Variants in ANKS1B observed in about 807,000 individuals in gnomAD.
The protein encoded by ANKS1B is ankyrin repeat and sterile alpha motif domain-containing protein 1B.
In ANKS1B, 36 loss-of-function variants were observed where a neutral mutation model predicts 148.3. The ratio of observed to expected loss-of-function variants is 0.24; its 90% CI spans 0.19 to 0.32. The LOEUF is 0.32. ANKS1B is among the 10% of genes least tolerant of loss of function. The pLI is 1.00. For synonymous variants in ANKS1B, 542 were observed against 560.8 expected (o/e 0.97, Z 0.47); for missense variants, 1,157 against 1,542.6 (o/e 0.75, Z 4.19).
intron 22 of ANKS1B, among the ~76,000 whole-genome samples, chr12:98,788,262 C>CAAA (rs545240585): frequency 1.7e-5 from 2 of 115,414 alleles, no homozygotes; most frequent in Non-Finnish European, 3.6e-5. Flanking sequence ...AGAAAACAGA[C>CAAA]AAAAAAAAAA....
intron 8 of ANKS1B, among the ~76,000 whole-genome samples, chr12:99,713,148 C>A (rs2056858948): frequency 6.6e-6 from 1 of 152,094 alleles, no homozygotes; most frequent in Non-Finnish European, 1.5e-5. Flanking sequence ...CAGGATAATC[C>A]CATTTTTATT....
intron 12 of ANKS1B, among the ~76,000 whole-genome samples, chr12:99,368,756 C>T (rs2092926147): frequency 6.6e-6 from 1 of 152,038 alleles, no homozygotes; most frequent in African/African-American, 2.4e-5. Context: ...GATAGAGAGA[C>T]ACACGACTAT....
At position 99,304,790 on chromosome 12, in the gene ANKS1B, T is replaced by C. The variant is rs144150165; in HGVS notation, c.1757-57926A>G. 2.1e-3 allele frequency among the ~76,000 whole-genome samples: 322 copies of C among 152,202 alleles called. 6 individuals carry two copies. In the South Asian group the frequency reaches 0.037, roughly 17 times the overall value. ...TTAAATAATATATTTTAGTAGTCCA[T>C]TGTAATTTGTTCATCTCTGAATTTG... is the stretch of plus-strand genomic sequence containing the variant. On this transcript the variant is annotated intron_variant, in intron 12 of 26. Coordinates refer to ENST00000683438, the MANE Select transcript of ANKS1B (RefSeq NM_001352186.2).
At chr12:99,572,879 A>C (rs1424539564) in intron 9 of ANKS1B, among the ~76,000 whole-genome samples, 39 of 152,112 alleles carry the variant, frequency 2.6e-4, no homozygotes, top group Admixed American at 2.4e-3. Flanking sequence ...TACAAGATAC[A>C]TATAATATGT....
intron 10 of ANKS1B, among the ~76,000 whole-genome samples, chr12:99,498,199 C>A (rs1269989726): frequency 6.6e-6 from 1 of 152,176 alleles, no homozygotes; most frequent in East Asian, 1.9e-4. Flanking sequence ...TCATCTTTCT[C>A]CAATCTATAC....
chr12:99,530,340 A>G (rs1440267119), intron 9 of ANKS1B, among the ~76,000 whole-genome samples: 1 of 152,212 alleles, frequency 6.6e-6, no homozygotes, highest in African/African-American at 2.4e-5. Flanking sequence ...TGCTAGGCTT[A>G]CCTTACATAC....
chr12:99,616,312 C>A (rs867928652), intron 9 of ANKS1B, among the ~76,000 whole-genome samples: 135 of 152,150 alleles, frequency 8.9e-4, no homozygotes, highest in Middle Eastern at 6.8e-3. Flanking sequence ...TATGGAACCA[C>A]AAAAGAGCCT....
At chr12:98,830,018 T>C (rs2099285092) in intron 18 of ANKS1B, among the ~76,000 whole-genome samples, 1 of 152,196 alleles carries the variant, frequency 6.6e-6, no homozygotes, top group Non-Finnish European at 1.5e-5. Context: ...ATTCTGGACC[T>C]TCTATGATAG....
chr12:98,863,737 G>A (rs2099611045), intron 17 of ANKS1B, among the ~76,000 whole-genome samples: 1 of 152,152 alleles, frequency 6.6e-6, no homozygotes, highest in Non-Finnish European at 1.5e-5. Flanking sequence ...AAGTAAACTT[G>A]TACATTAGCC....
intron 12 of ANKS1B, among the ~76,000 whole-genome samples, chr12:99,287,219 T>C (rs2079256055): frequency 1.3e-5 from 2 of 152,078 alleles, no homozygotes; most frequent in African/African-American, 4.8e-5. Context: ...AGAGACTCCA[T>C]TTGTTTGGAG....
Position 99,383,695 on chromosome 12 carries a change from A to G in ANKS1B, c.1756+15936T>C, listed in dbSNP as rs548791282. 5.9e-5 allele frequency among the ~76,000 whole-genome samples: 9 copies of G among 152,200 alleles called. No homozygotes were observed. The East Asian group carries it at 9.7e-4, about 16-fold the overall frequency. ...CCAGATCACCTAAATGTGTCCTTGC[A>G]TAACAGTCATTAGGATTCATTGAAA... On this transcript the variant is annotated intron_variant, in intron 12 of 26. Transcript: ENST00000683438.
Position 99,615,188 on chromosome 12 carries a change from CAGACAG to C in ANKS1B, c.1272+39873_1272+39878del, listed in dbSNP as rs879559355. 7.1e-4 allele frequency among the ~76,000 whole-genome samples: 108 copies of C among 152,136 alleles called. 4 individuals are homozygous for C. In the South Asian group the frequency reaches 1.0e-2, roughly 14 times the overall value. Reference sequence around the variant, plus strand: ...CAGATAGATTACACAGACAGACAGACAGACAGACAGACAGACAGATACACACACATA... The same window carrying C: ...CAGATAGATTACACAGACAGACAGACACAGACAGACAGATACACACACATA... On this transcript the variant is annotated intron_variant, in intron 9 of 26. Coordinates refer to ENST00000683438, the MANE Select transcript of ANKS1B (RefSeq NM_001352186.2).
intron 17 of ANKS1B, among the ~76,000 whole-genome samples, chr12:99,037,273 T>C (rs2153478171): frequency 6.6e-6 from 1 of 152,222 alleles, no homozygotes; most frequent in South Asian, 2.1e-4. Context: ...TCCCAGCACT[T>C]TGGGAGGCCG....
At chr12:98,982,331 T>A (rs2099912402) in intron 17 of ANKS1B, among the ~76,000 whole-genome samples, 1 of 151,714 alleles carries the variant, frequency 6.6e-6, no homozygotes, top group South Asian at 2.1e-4. Flanking sequence ...GTGAGGACAA[T>A]GTTTCTGCTC....
intron 16 of ANKS1B, among the ~76,000 whole-genome samples, chr12:99,068,949 T>C (rs1334548169): frequency 6.6e-6 from 1 of 152,194 alleles, no homozygotes; most frequent in African/African-American, 2.4e-5. Context: ...TCTTCTCTCC[T>C]CTTGTAGCAT....
chr12:99,241,965 A>G (rs748206265), intron 14 of ANKS1B, among the ~76,000 whole-genome samples: 14 of 152,198 alleles, frequency 9.2e-5, no homozygotes, highest in Non-Finnish European at 1.6e-4. Context: ...AAAAACTGGA[A>G]GCATTCCCTT....
intron 17 of ANKS1B, among the ~76,000 whole-genome samples, chr12:99,019,031 T>C (rs534373044): frequency 2.0e-5 from 3 of 152,354 alleles, no homozygotes; most frequent in African/African-American, 7.2e-5. Context: ...AATGTAATCA[T>C]AGTGAAGCCA....
chr12:99,275,000 A>G (rs2077496114), intron 12 of ANKS1B, among the ~76,000 whole-genome samples: 1 of 152,160 alleles, frequency 6.6e-6, no homozygotes, highest in Non-Finnish European at 1.5e-5. Context: ...CAAAATCTAC[A>G]TTGCCTCCTA....
rs116900533 is a variant in ANKS1B at position 99,069,268 on chromosome 12, G to A, written c.2625+15657C>T. ...AATTGTTACTTTATGTCTACATCAC[G>A]TGGCACTCAGAAAAGTGATCTGGCT... On this transcript the variant is annotated intron_variant, in intron 16 of 26. Coordinates refer to ENST00000683438, the MANE Select transcript of ANKS1B (RefSeq NM_001352186.2). Among the ~76,000 whole-genome samples the A allele has an allele frequency of 4.0e-3, 615 of 152,244 alleles. 24 individuals carry two copies. The East Asian group carries it at 0.085, about 21-fold the overall frequency.
Sources: gnomAD v4.1 joint callset for allele counts (sites outside exome capture counted in the v4.1 genomes callset) on GRCh38, gnomAD v4.1.1 for gene constraint, MANE v1.5 for transcripts, NCBI Gene and HGNC (gene_info 2026-07-23, HGNC 2026-07-21) for gene names.